The following PLCB1 variants were observed in gnomAD, a reference collection of about 807,000 sequenced individuals.
PLCB1 encodes the protein 1-phosphatidylinositol 4,5-bisphosphate phosphodiesterase beta-1.
In PLCB1, 46 loss-of-function variants were observed where a neutral mutation model predicts 161.8. The ratio of observed to expected loss-of-function variants is 0.28; its 90% CI spans 0.22 to 0.36. The LOEUF is 0.36. Ranked by LOEUF, PLCB1 falls within the 10% of genes least tolerant of loss-of-function variation. The pLI, the probability that PLCB1 is intolerant of heterozygous loss-of-function variation, is 1.00. For synonymous variants in PLCB1, 517 were observed against 503.7 expected (o/e 1.03, Z -0.35); for missense variants, 1,016 against 1,472.5 (o/e 0.69, Z 5.07).
chr20:8,817,200 T>A (rs1274839671), intron 31 of PLCB1, among the ~76,000 whole-genome samples: 1 of 152,172 alleles, frequency 6.6e-6, no homozygotes, highest in East Asian at 1.9e-4. Context: ...TATAACTTTT[T>A]AAAATATGTT....
chr20:8,841,393 C>T (rs1255428674), intron 31 of PLCB1, among the ~76,000 whole-genome samples: 1 of 152,186 alleles, frequency 6.6e-6, no homozygotes, highest in Non-Finnish European at 1.5e-5. Flanking sequence ...AATGCTTTAT[C>T]GTGACTGTTA....
chr20:8,781,843 A>G (rs1056342870), intron 27 of PLCB1, among the ~76,000 whole-genome samples: 1 of 152,278 alleles, frequency 6.6e-6, no homozygotes, highest in Admixed American at 6.5e-5. Flanking sequence ...CTTATTCGCT[A>G]TCACAAGAAC....
Position 8,330,147 on chromosome 20 carries a change from A to G in PLCB1, c.178-41235A>G, listed in dbSNP as rs79884851. Among the ~76,000 whole-genome samples the G allele has an allele frequency of 5.2e-3, 787 of 152,294 alleles. 4 individuals carry two copies. The highest frequency in any genetic ancestry group is 0.018 in the African/African-American group (737 of 41,548). On this transcript the variant is annotated intron_variant, in intron 2 of 31. Transcript: ENST00000338037. ...CCTTAAAATGAATGAGAACAATAACATCGAATCAATAATAATAGCTATCAT... is the reference window on the plus strand; with the variant it reads ...CCTTAAAATGAATGAGAACAATAACGTCGAATCAATAATAATAGCTATCAT...
chr20:8,345,223 TTGAAA>T (rs1321235069), intron 2 of PLCB1, among the ~76,000 whole-genome samples: 2 of 152,154 alleles, frequency 1.3e-5, no homozygotes, highest in African/African-American at 4.8e-5. Context: ...TTTGAAGGAT[TTGAAA>T]TGTGCTTCAG....
intron 9 of PLCB1, among the ~76,000 whole-genome samples, chr20:8,676,218 G>A (rs562947111): frequency 6.6e-6 from 1 of 152,250 alleles, no homozygotes; most frequent in Non-Finnish European, 1.5e-5. Context: ...AAAATTAGCC[G>A]GGCGTGGTGG....
At chr20:8,491,725 C>T (rs1982955075) in intron 3 of PLCB1, among the ~76,000 whole-genome samples, 1 of 152,102 alleles carries the variant, frequency 6.6e-6, no homozygotes, top group Non-Finnish European at 1.5e-5. Context: ...CCTTAATCTT[C>T]CTGGATTCTC....
At chr20:8,214,975 G>T (rs1378942764) in intron 2 of PLCB1, among the ~76,000 whole-genome samples, 1 of 152,058 alleles carries the variant, frequency 6.6e-6, no homozygotes, top group Non-Finnish European at 1.5e-5. Flanking sequence ...GCTGAAATAG[G>T]TTTCCCACCA....
intron 14 of PLCB1, 36 bp downstream of exon 14, chr20:8,717,884 T>C (rs1312246679): frequency 6.3e-7 from 1 of 1,580,732 alleles, no homozygotes; most frequent in South Asian, 1.2e-5. Context: ...TCATGTTTTG[T>C]GTTGGTTTAA....
rs1981582452 is a variant in PLCB1, at chr20:8,461,677, CA to C, written c.246+90231del. ...CCAATTGAGAGGTTAAATAATAACA[CA>C]AAACTACATGCAGTTTTGTATCATT... is the stretch of plus-strand genomic sequence containing the variant. On this transcript the variant is annotated intron_variant, in intron 3 of 31. Transcript: ENST00000338037. Among the ~76,000 whole-genome samples the C allele has an allele frequency of 2.6e-5, 4 of 152,216 alleles. No individual in the cohort carries two copies. In the South Asian group the frequency reaches 8.3e-4, roughly 32 times the overall value.
intron 3 of PLCB1, among the ~76,000 whole-genome samples, chr20:8,587,778 G>C (rs1185812231): frequency 2.0e-5 from 3 of 152,148 alleles, no homozygotes; most frequent in Admixed American, 6.5e-5. Flanking sequence ...AATCCAAAGA[G>C]ACAAGTAGCA....
At chr20:8,250,371 A>G (rs8120947) in intron 2 of PLCB1, among the ~76,000 whole-genome samples, 9,276 of 151,920 alleles carry the variant, frequency 0.061, 931 homozygotes, top group African/African-American at 0.21. Flanking sequence ...GCTACTATAA[A>G]TACCTGTATT....
At chr20:8,688,388 A>G (rs1990403803) in intron 10 of PLCB1, among the ~76,000 whole-genome samples, 2 of 152,104 alleles carry the variant, frequency 1.3e-5, no homozygotes, top group South Asian at 4.1e-4. Context: ...GCTTTTACCC[A>G]AAAGCAATTT....
chr20:8,563,198 A>T (rs1419003211), intron 3 of PLCB1, among the ~76,000 whole-genome samples: 4 of 152,084 alleles, frequency 2.6e-5, no homozygotes, highest in Non-Finnish European at 4.4e-5. Flanking sequence ...TGAACAAAAA[A>T]GTTTGCTTAA....
intron 9 of PLCB1, among the ~76,000 whole-genome samples, chr20:8,662,372 ATTATGTATAATATATAATTAT>A (rs1203960630): frequency 6.2e-5 from 8 of 128,588 alleles, no homozygotes; most frequent in African/African-American, 1.5e-4. Flanking sequence ...TTATTATATA[ATTATGTATAATATATAATTAT>A]TTATTATATA....
intron 31 of PLCB1, among the ~76,000 whole-genome samples, chr20:8,855,142 G>T (rs1046426732): frequency 6.6e-6 from 1 of 152,110 alleles, no homozygotes; most frequent in Admixed American, 6.6e-5. Flanking sequence ...ATATTCTTGA[G>T]CATATGATTG....
intron 3 of PLCB1, among the ~76,000 whole-genome samples, chr20:8,487,882 A>G (rs1982795712): frequency 6.6e-6 from 1 of 152,126 alleles, no homozygotes; most frequent in African/African-American, 2.4e-5. Context: ...TGCCGAGTAC[A>G]TTATGTTGCA....
chr20:8,715,222 C>T (rs1340853174), intron 12 of PLCB1, among the ~76,000 whole-genome samples: 2 of 152,248 alleles, frequency 1.3e-5, no homozygotes, highest in African/African-American at 2.4e-5. Flanking sequence ...ATTTAACATT[C>T]CACGAAATGA....
At chr20:8,566,194 A>G (rs1986328701) in intron 3 of PLCB1, among the ~76,000 whole-genome samples, 1 of 152,164 alleles carries the variant, frequency 6.6e-6, no homozygotes, top group Non-Finnish European at 1.5e-5. Context: ...GCTACTATCT[A>G]CTTAGGTATT....
chr20:8,517,424 TG>T (rs1568490814), intron 3 of PLCB1, among the ~76,000 whole-genome samples: 2 of 152,052 alleles, frequency 1.3e-5, no homozygotes, highest in Non-Finnish European at 2.9e-5. Flanking sequence ...AAATGAGACA[TG>T]GGGTTTTATT....
Sources: gnomAD v4.1 joint callset for allele counts (sites outside exome capture counted in the v4.1 genomes callset) on GRCh38, gnomAD v4.1.1 for gene constraint, MANE v1.5 for transcripts, NCBI Gene and HGNC (gene_info 2026-07-23, HGNC 2026-07-21) for gene names.